PDE4D: variants seen among roughly 807,000 people sequenced by gnomAD.
PDE4D encodes the protein 3',5'-cyclic-AMP phosphodiesterase 4D.
PDE4D carries 24 observed loss-of-function variants against 87.4 expected under a neutral mutation model. The ratio of observed to expected loss-of-function variants is 0.27; its 90% CI spans 0.20 to 0.39. The LOEUF (loss-of-function observed/expected upper bound fraction) is 0.39, where lower values mean the gene tolerates loss of function less well. Among genes scored for constraint, PDE4D ranks in the 10% least tolerant of loss-of-function variants. The pLI, the probability that PDE4D is intolerant of heterozygous loss-of-function variation, is 1.00. For synonymous variants in PDE4D, 384 were observed against 383.2 expected, an observed-to-expected ratio of 1.00 and a Z score of -0.02; for missense variants, 714 against 1,041.0, an observed-to-expected ratio of 0.69 and a Z score of 4.32.
intron 1 of PDE4D, among the ~76,000 whole-genome samples, chr5:59,806,827 A>G (rs1277094497): frequency 6.6e-6 from 1 of 152,248 alleles, no homozygotes; most frequent in Non-Finnish European, 1.5e-5. Flanking sequence ...AATTAGCTCA[A>G]TTTAGCCATT....
chr5:59,929,636 A>G (rs1050224350), intron 3 of PDE4D, among the ~76,000 whole-genome samples: 1 of 152,228 alleles, frequency 6.6e-6, no homozygotes, highest in Admixed American at 6.5e-5. Flanking sequence ...GCAAGCACAC[A>G]GGCACTTGGT....
intron 6 of PDE4D, among the ~76,000 whole-genome samples, chr5:59,012,012 AG>A (rs1436316527): frequency 6.6e-6 from 1 of 152,228 alleles, no homozygotes. Flanking sequence ...ACATTCTTAA[AG>A]GAAAGAATTT....
In PDE4D at chr5:59,567,015, C is replaced by T. The variant is rs987870097; in HGVS notation, c.455+326153G>A. Among the ~76,000 whole-genome samples the T allele has an allele frequency of 3.3e-5, 5 of 152,106 alleles. No homozygotes were observed. In the South Asian group the frequency reaches 6.2e-4, roughly 19 times the overall value. Reference sequence around the variant, plus strand: ...GTGTTCTTGGGCTCTCCAATTTTTACATTACATGTTTTCTACATGAGCTTT... The same window carrying T: ...GTGTTCTTGGGCTCTCCAATTTTTATATTACATGTTTTCTACATGAGCTTT... On this transcript the variant is annotated intron_variant, in intron 1 of 14. Transcript: ENST00000340635.
chr5:60,488,998 TCATACCAATTACTTGTTA>T (rs1749368117), upstream of PDE4D, among the ~76,000 whole-genome samples: 1 of 152,206 alleles, frequency 6.6e-6, no homozygotes, highest in African/African-American at 2.4e-5. Context: ...TTAGTGTTAG[TCATACCAATTACTTGTTA>T]CACCATACTT....
chr5:59,094,684 C>G (rs954919656), intron 5 of PDE4D, among the ~76,000 whole-genome samples: 2 of 151,976 alleles, frequency 1.3e-5, no homozygotes, highest in Middle Eastern at 3.2e-3. Context: ...TGGAGTGATG[C>G]CTACAAAATG....
chr5:59,771,466 A>AAAGAAAGAGAGAGAGAGAG (rs1763472423), intron 1 of PDE4D, among the ~76,000 whole-genome samples: 1 of 76,444 alleles, frequency 1.3e-5, no homozygotes, highest in African/African-American at 5.9e-5. Context: ...AGAAAGAAAG[A>AAAGAAAGAGAGAGAGAGAG]AAGAAAGAAA....
At chr5:60,269,671 C>A (rs1213131379) in intron 1 of PDE4D, among the ~76,000 whole-genome samples, 1 of 152,116 alleles carries the variant, frequency 6.6e-6, no homozygotes, top group African/African-American at 2.4e-5. Context: ...ATGTATTGGA[C>A]ACTTAAAAAC....
At chr5:59,445,101 C>T (rs1798162214) in intron 1 of PDE4D, among the ~76,000 whole-genome samples, 1 of 152,172 alleles carries the variant, frequency 6.6e-6, no homozygotes, top group Admixed American at 6.5e-5. Flanking sequence ...AATTTACTTA[C>T]CTACCAGGAA....
chr5:59,623,673 C>T (rs1213940256), intron 1 of PDE4D, among the ~76,000 whole-genome samples: 1 of 152,132 alleles, frequency 6.6e-6, no homozygotes, highest in Non-Finnish European at 1.5e-5. Context: ...CCTTGATACC[C>T]ACCGCCTTCT....
intron 1 of PDE4D, among the ~76,000 whole-genome samples, chr5:60,475,387 T>C (rs1318027296): frequency 6.6e-6 from 1 of 152,058 alleles, no homozygotes; most frequent in African/African-American, 2.4e-5. Flanking sequence ...ATTGCACATG[T>C]AGTTATAGCC....
At chr5:60,284,597 C>T (rs1449364926) in intron 1 of PDE4D, among the ~76,000 whole-genome samples, 5 of 152,062 alleles carry the variant, frequency 3.3e-5, no homozygotes, top group Non-Finnish European at 7.4e-5. Context: ...AAAAGAGGCC[C>T]CGATGATATT....
intron 1 of PDE4D, among the ~76,000 whole-genome samples, chr5:59,665,625 T>A (rs1745952934): frequency 6.6e-6 from 1 of 152,192 alleles, no homozygotes; most frequent in Admixed American, 6.5e-5. Context: ...TAAGCTGAAA[T>A]GACCAGCTAT....
chr5:59,833,897 C>T (rs755228236), intron 1 of PDE4D, among the ~76,000 whole-genome samples: 21 of 151,936 alleles, frequency 1.4e-4, no homozygotes, highest in Non-Finnish European at 1.9e-4. Context: ...TAATTTTGAT[C>T]AAGAGAAACA....
intron 1 of PDE4D, among the ~76,000 whole-genome samples, chr5:59,658,537 G>T (rs1282614196): frequency 6.6e-6 from 1 of 152,062 alleles, no homozygotes; most frequent in Admixed American, 6.6e-5. Context: ...GCCCGCCACT[G>T]CGCCCAGCTA....
At chr5:59,999,565 C>A (rs925611754) in intron 2 of PDE4D, among the ~76,000 whole-genome samples, 6 of 145,130 alleles carry the variant, frequency 4.1e-5, no homozygotes, top group Non-Finnish European at 9.0e-5. Context: ...GAGAGGCTCC[C>A]AAAATCTCTA....
chr5:59,861,984 T>C (rs1441910129), intron 1 of PDE4D, among the ~76,000 whole-genome samples: 2 of 152,170 alleles, frequency 1.3e-5, no homozygotes, highest in Non-Finnish European at 2.9e-5. Flanking sequence ...CTCAGTTCAT[T>C]TGAGAGTTTA....
Position 59,180,611 on chromosome 5 carries a change from G to T in PDE4D, c.792C>A (p.Asn264Lys). 1 of 1,613,416 alleles carries T rather than the reference G, an allele frequency of 6.2e-7. No individual in the cohort carries two copies. The highest frequency in any genetic ancestry group is 1.1e-5 in the South Asian group (1 of 90,912). Reference sequence around the variant, plus strand: ...CTTTCTTACCTGTTATGGTGGCTTTGTTGATGGATGGTTGGTTGCACATGG... The same window carrying T: ...CTTTCTTACCTGTTATGGTGGCTTTTTTGATGGATGGTTGGTTGCACATGG... ...RSPMCNQPSI[N>K]KATITEEAYQ... The change falls in exon 5 of 15, where the codon AAC (asparagine) becomes AAA (lysine). Residue 264 changes from asparagine (N) to lysine (K), a missense_variant. This residue lies in a region of PDE4D where 90 missense variants were observed against 177.6 expected (regional missense o/e 0.51). Coordinates refer to ENST00000340635, the MANE Select transcript of PDE4D (RefSeq NM_001104631.2).
chr5:59,101,973 C>T (rs1770809686), intron 5 of PDE4D, among the ~76,000 whole-genome samples: 1 of 152,020 alleles, frequency 6.6e-6, no homozygotes, highest in African/African-American at 2.4e-5. Context: ...TCAACTGTGC[C>T]CATCGAGTTG....
intron 1 of PDE4D, among the ~76,000 whole-genome samples, chr5:59,260,718 CA>C (rs1235882244): frequency 6.7e-6 from 1 of 149,384 alleles, no homozygotes; most frequent in Non-Finnish European, 1.5e-5. Flanking sequence ...AGTGAAAAAC[CA>C]AAAAAAACAA....
Sources: allele counts gnomAD v4.1 joint callset (sites outside exome capture counted in the v4.1 genomes callset), GRCh38; gene constraint gnomAD v4.1.1; regional missense constraint gnomAD v4.1.1; transcripts MANE v1.5; gene names NCBI Gene and HGNC (gene_info 2026-07-23, HGNC 2026-07-21).